The following PLEKHA1 variants were observed in gnomAD, a reference collection of about 807,000 sequenced individuals.
PLEKHA1 encodes the protein pleckstrin homology domain containing A1, also known as pleckstrin homology domain-containing family A member 1.
Under a neutral mutation model 52.0 loss-of-function variants are expected in PLEKHA1, and 34 were observed. That is an observed-to-expected ratio of 0.65 (90% CI 0.50 to 0.87). PLEKHA1 has a LOEUF of 0.87. Ranked by LOEUF, PLEKHA1 falls within the 40% of genes least tolerant of loss-of-function variation. PLEKHA1 has a pLI of 0.00. For synonymous variants in PLEKHA1, 163 were observed against 170.7 expected (o/e 0.95, Z 0.35); for missense variants, 497 against 504.2 (o/e 0.99, Z 0.14).
downstream of PLEKHA1, chr10:122,433,795 T>G (rs1344680900): frequency 1.3e-5 from 2 of 152,224 alleles, no homozygotes; most frequent in African/African-American, 4.8e-5. Context: ...TGGATATGTT[T>G]ATGTTTGATA....
At position 122,430,095 on chromosome 10, in the gene PLEKHA1, G is replaced by C. The variant is rs1565359784; in HGVS notation, c.*157G>C. 2.6e-6 allele frequency: 2 copies of C among 779,370 alleles called. No individual in the cohort carries two copies. The highest frequency in any genetic ancestry group is 2.7e-5 in the South Asian group (1 of 36,700). 48.3% of individuals were successfully genotyped at this position (779,370 alleles called of 1,614,324 possible). A position where few individuals can be genotyped will look rare whatever the true frequency, so the allele number is the denominator to read the frequency against. On this transcript the variant is annotated 3_prime_UTR_variant, in exon 12 of 12. Coordinates refer to ENST00000368990, the MANE Select transcript of PLEKHA1 (RefSeq NM_001001974.4). Reference sequence around the variant, plus strand: ...TAAGCTGGTAAACCAAGAATCTAGGGAGTGGCCAAACTAAATATAATTTCT... The same window carrying C: ...TAAGCTGGTAAACCAAGAATCTAGGCAGTGGCCAAACTAAATATAATTTCT...
intron 8 of PLEKHA1, chr10:122,421,086 G>C (rs2097254088): frequency 6.6e-6 from 1 of 152,174 alleles, no homozygotes; most frequent in Non-Finnish European, 1.5e-5. Context: ...TAGGTATTAA[G>C]TGTTGTACAA....
At chr10:122,383,336 T>TC (rs2096642732) in intron 1 of PLEKHA1, among the ~76,000 whole-genome samples, 1 of 150,974 alleles carries the variant, frequency 6.6e-6, no homozygotes, top group Non-Finnish European at 1.5e-5. Context: ...CTTTTTTTTT[T>TC]TTAGAATGGG....
chr10:122,423,977 C>T (rs1031625570), intron 8 of PLEKHA1: 27 of 550,798 alleles, frequency 4.9e-5, no homozygotes, highest in African/African-American at 3.0e-4. Flanking sequence ...GAATAAGGGC[C>T]GTATGCAGTT....
At chr10:122,441,650 A>G in the PLEKHA1 span, 1 of 152,166 alleles carries the variant, frequency 6.6e-6, no homozygotes, top group Non-Finnish European at 1.5e-5. Flanking sequence ...ACCCACTGAA[A>G]GAGGCTGCGT....
chr10:122,389,217 G>A (rs1000602642), intron 1 of PLEKHA1, among the ~76,000 whole-genome samples: 5 of 152,208 alleles, frequency 3.3e-5, no homozygotes, highest in Non-Finnish European at 7.3e-5. Flanking sequence ...ATCACAAAAT[G>A]TGTTTCTTGA....
chr10:122,407,913 T>TC (rs2097046659), intron 5 of PLEKHA1, among the ~76,000 whole-genome samples: 1 of 152,032 alleles, frequency 6.6e-6, no homozygotes, highest in Non-Finnish European at 1.5e-5. Context: ...CAATAAAGAG[T>TC]CAATATAGTT....
rs771208792 is a variant in PLEKHA1 at position 122,397,914 on chromosome 10, C to T, written c.142-4C>T. The T allele has an allele frequency of 1.4e-5, 22 of 1,597,734 alleles. No homozygotes were observed. The African/African-American group carries it at 3.0e-4, about 21-fold the overall frequency. ...TTAAGTATATATTAATACTTTGTTT[C>T]TAGAACCTACCTTCTGGATCATCAC... On this transcript the variant is annotated splice_polypyrimidine_tract_variant and splice_region_variant and intron_variant, in intron 2 of 11. Coordinates refer to ENST00000368990, the MANE Select transcript of PLEKHA1 (RefSeq NM_001001974.4).
At position 122,431,817 on chromosome 10, in the gene PLEKHA1, A is replaced by T. The variant is rs1020127317; in HGVS notation, c.*1879A>T. 1 of 152,322 alleles carries T rather than the reference A, an allele frequency of 6.6e-6. No individual in the cohort carries two copies. The highest frequency in any genetic ancestry group is 2.4e-5 in the African/African-American group (1 of 41,430). The allele number at this position is 152,322 out of a possible 1,614,324, so 9.4% of individuals were successfully genotyped here. On this transcript the variant is annotated 3_prime_UTR_variant, in exon 12 of 12. Transcript: ENST00000368990. ...TAATGAGTTATCACTTTTTCAGCTG[A>T]TATATTCATTTTAATGGCTTTTTTG... is the stretch of plus-strand genomic sequence containing the variant.
chr10:122,381,558 T>C (rs754043126), intron 1 of PLEKHA1, among the ~76,000 whole-genome samples: 2 of 152,186 alleles, frequency 1.3e-5, no homozygotes, highest in South Asian at 4.1e-4. Flanking sequence ...CCTCCCTCTT[T>C]GCCTTCCACC....
At chr10:122,438,754 A>G in the PLEKHA1 span, 1 of 152,244 alleles carries the variant, frequency 6.6e-6, no homozygotes, top group Non-Finnish European at 1.5e-5. Flanking sequence ...TTCAGTGGAA[A>G]AGCCTCTAGT....
At chr10:122,406,463 T>C in intron 4 of PLEKHA1, 113 bp from the exon 5 acceptor site, 1 of 785,794 alleles carries the variant, frequency 1.3e-6, no homozygotes, top group Non-Finnish European at 2.2e-6. Flanking sequence ...ATATATTTTG[T>C]CAAATCCACG....
intron 1 of PLEKHA1, 192 bp from the exon 2 acceptor site, chr10:122,392,989 A>G: frequency 2.3e-6 from 1 of 432,844 alleles, no homozygotes; most frequent in Non-Finnish European, 4.1e-6. Flanking sequence ...AAATAGTTAC[A>G]TTTAGTAACC....
At chr10:122,378,556 C>T (rs1019164487) in intron 1 of PLEKHA1, among the ~76,000 whole-genome samples, 3 of 151,830 alleles carry the variant, frequency 2.0e-5, no homozygotes, top group African/African-American at 7.3e-5. Flanking sequence ...GGCAACATGA[C>T]GAAACCTTGT....
In PLEKHA1 at chr10:122,393,442, AT is replaced by A; in HGVS notation, c.141+106del. 2.5e-6 allele frequency: 3 copies of A among 1,199,934 alleles called. No individual in the cohort carries two copies. The highest frequency in any genetic ancestry group is 3.3e-6 in the Non-Finnish European group (3 of 908,272). The allele number at this position is 1,199,934 out of a possible 1,614,324, so 74.3% of individuals were successfully genotyped here. ...TTAGATTTGTCTTCTTAAGCAGTAT[AT>A]TTTTAGATTTATTTCTACTGGCTGT... On this transcript the variant is annotated intron_variant, in intron 2 of 11. Transcript: ENST00000368990. The surrounding 1 kb of genome is among the most constrained non-coding windows in gnomAD (Gnocchi z 4.5).
intron 1 of PLEKHA1, among the ~76,000 whole-genome samples, chr10:122,378,179 C>A (rs562895379): frequency 6.6e-6 from 1 of 152,320 alleles, no homozygotes; most frequent in Non-Finnish European, 1.5e-5. Context: ...AATGTAGCAT[C>A]TTACCCGGTA....
At chr10:122,399,394 G>GT (rs2096895422) in intron 3 of PLEKHA1, among the ~76,000 whole-genome samples, 2 of 152,106 alleles carry the variant, frequency 1.3e-5, no homozygotes, top group Admixed American at 1.3e-4. Flanking sequence ...AATGCAGCTA[G>GT]TTGCCTCATC....
chr10:122,402,775 G>A (rs535033625), intron 4 of PLEKHA1, among the ~76,000 whole-genome samples: 15 of 152,294 alleles, frequency 9.8e-5, no homozygotes, highest in African/African-American at 3.1e-4. Context: ...GAATCAGTGA[G>A]GCTGTATATT....
chr10:122,400,256 C>A, intron 3 of PLEKHA1, 87 bp from the exon 4 acceptor site: 2 of 984,662 alleles, frequency 2.0e-6, no homozygotes, highest in Non-Finnish European at 2.9e-6. Context: ...ATTGGGGAAT[C>A]ATACATGTGG....
Sources: gnomAD v4.1 joint callset for allele counts (sites outside exome capture counted in the v4.1 genomes callset) on GRCh38, gnomAD v4.1.1 for gene constraint, Gnocchi (gnomAD v3.1) non-coding constraint, MANE v1.5 for transcripts, NCBI Gene and HGNC (gene_info 2026-07-23, HGNC 2026-07-21) for gene names.